DUSP22: variants seen among roughly 807,000 people sequenced by gnomAD.
DUSP22 encodes dual specificity protein phosphatase 22.
DUSP22 carries 24 observed loss-of-function variants against 24.5 expected under a neutral mutation model. That is an observed-to-expected ratio of 0.98 (90% CI 0.71 to 1.38). The LOEUF (loss-of-function observed/expected upper bound fraction) is 1.38. Ranked by LOEUF, DUSP22 falls within the 40% of genes most tolerant of loss-of-function variation. DUSP22 has a pLI of 0.00. For synonymous variants in DUSP22, 160 were observed against 106.4 expected, an observed-to-expected ratio of 1.50 and a Z score of -3.10; for missense variants, 330 against 269.2, an observed-to-expected ratio of 1.23 and a Z score of -1.58.
intron 1 of DUSP22, among the ~76,000 whole-genome samples, chr6:303,119 TC>T (rs1757660837): frequency 6.6e-6 from 1 of 152,296 alleles, no homozygotes; most frequent in Non-Finnish European, 1.5e-5. Flanking sequence ...TACTGCCACA[TC>T]CTAAAAAAGG....
At chr6:331,484 C>G (rs989503582) in intron 3 of DUSP22, among the ~76,000 whole-genome samples, 5 of 152,406 alleles carry the variant, frequency 3.3e-5, no homozygotes, top group Middle Eastern at 3.4e-3. Flanking sequence ...CTAAACTTAT[C>G]CTGTCCTTTA....
At chr6:309,622 T>G (rs1470488925) in intron 2 of DUSP22, among the ~76,000 whole-genome samples, 5 of 152,116 alleles carry the variant, frequency 3.3e-5, no homozygotes, top group Non-Finnish European at 5.9e-5. Flanking sequence ...GGGTAGATCT[T>G]TCTAACTAGC....
Position 350,455 on chromosome 6 carries a change from C to T in DUSP22, c.*1504C>T. On this transcript the variant is annotated 3_prime_UTR_variant, in exon 7 of 7. Transcript: ENST00000419235. ...GTTGCAACCCAGTTTCTCTGAATTC[C>T]ACCACAAAAAGAGACCCTGAATAAG... 4.4e-6 allele frequency: 5 copies of T among 1,137,700 alleles called. No individual in the cohort carries two copies. Among genetic ancestry groups the T allele is most frequent in the Non-Finnish European group, 5.4e-6 (5 of 923,860 alleles). 70.5% of individuals were successfully genotyped at this position (1,137,700 alleles called of 1,614,324 possible). A position where few individuals can be genotyped will look rare whatever the true frequency, so the allele number is the denominator to read the frequency against.
chr6:334,422 C>G, intron 3 of DUSP22, among the ~76,000 whole-genome samples: 1 of 152,208 alleles, frequency 6.6e-6, no homozygotes, highest in Non-Finnish European at 1.5e-5. Flanking sequence ...AAATAAATCT[C>G]ACATTTAGCA....
At chr6:340,726 T>G (rs1489050255) in intron 4 of DUSP22, among the ~76,000 whole-genome samples, 1 of 152,302 alleles carries the variant, frequency 6.6e-6, no homozygotes. Context: ...TCTGGTACCA[T>G]GGGCTTTTAG....
chr6:341,173 A>C (rs1288084213), intron 4 of DUSP22, among the ~76,000 whole-genome samples: 1 of 152,288 alleles, frequency 6.6e-6, no homozygotes, highest in African/African-American at 2.4e-5. Context: ...TGAGTTTCTA[A>C]CGCAAGCGTG....
At position 349,923 on chromosome 6, in the gene DUSP22, C is replaced by T. The variant is rs1760111407; in HGVS notation, c.*972C>T. ...CTTGCCAGCTTCATTCACTCCCAGC[C>T]TCTCGCTGTCCTCACTTTGCAGGGG... On this transcript the variant is annotated 3_prime_UTR_variant, in exon 7 of 7. Transcript: ENST00000419235. The T allele has an allele frequency of 1.0e-6, 1 of 985,980 alleles. No individual in the cohort carries two copies. The highest frequency in any genetic ancestry group is 1.1e-4 in the East Asian group (1 of 8,838). The allele number at this position is 985,980 out of a possible 1,614,324, so 61.1% of individuals were successfully genotyped here.
At chr6:332,457 C>G (rs918160447) in intron 3 of DUSP22, among the ~76,000 whole-genome samples, 1 of 152,308 alleles carries the variant, frequency 6.6e-6, no homozygotes, top group Admixed American at 6.5e-5. Flanking sequence ...GCCCACCTGA[C>G]AAGGTGCTCC....
At chr6:308,886 C>A (rs890586682) in intron 2 of DUSP22, among the ~76,000 whole-genome samples, 5 of 152,296 alleles carry the variant, frequency 3.3e-5, no homozygotes, top group Admixed American at 6.5e-5. Context: ...CTGGAGGAGC[C>A]AGGTGGGTGG....
At chr6:340,851 G>A (rs1759575047) in intron 4 of DUSP22, among the ~76,000 whole-genome samples, 1 of 152,312 alleles carries the variant, frequency 6.6e-6, no homozygotes, top group African/African-American at 2.4e-5. Flanking sequence ...GGGGATTGAG[G>A]CCTCCAAATC....
chr6:343,718 T>G (rs1473484572), intron 4 of DUSP22, among the ~76,000 whole-genome samples: 1 of 152,310 alleles, frequency 6.6e-6, no homozygotes, highest in Non-Finnish European at 1.5e-5. Flanking sequence ...TGCATGCACA[T>G]GGACAGTTGC....
At chr6:302,980 G>A (rs1396604276) in intron 1 of DUSP22, among the ~76,000 whole-genome samples, 5 of 152,300 alleles carry the variant, frequency 3.3e-5, no homozygotes, top group Admixed American at 6.5e-5. Flanking sequence ...GCTCGCACTG[G>A]ACTCGGTCGG....
In DUSP22 at chr6:350,887, A is replaced by C. The variant is rs750008241; in HGVS notation, c.*1936A>C. ...ACTGTAATGTACCTGAAGTTTCTGAAATATTGCAAACCCACAGAGTTTAGG... is the reference window on the plus strand; with the variant it reads ...ACTGTAATGTACCTGAAGTTTCTGACATATTGCAAACCCACAGAGTTTAGG... On this transcript the variant is annotated 3_prime_UTR_variant, in exon 7 of 7. Coordinates refer to ENST00000419235, the MANE Select transcript of DUSP22 (RefSeq NM_001286555.3). 12 of 1,614,022 alleles carry C rather than the reference A, an allele frequency of 7.4e-6. No individual in the cohort carries two copies. In the Admixed American group the frequency reaches 2.0e-4, roughly 27 times the overall value.
At chr6:347,299 G>A (rs1759930367) in intron 5 of DUSP22, among the ~76,000 whole-genome samples, 1 of 152,418 alleles carries the variant, frequency 6.6e-6, no homozygotes, top group Admixed American at 6.5e-5. Context: ...TTGAATATGT[G>A]TAGGCCTGAT....
chr6:324,484 C>T (rs1758758169), intron 3 of DUSP22, among the ~76,000 whole-genome samples: 1 of 152,310 alleles, frequency 6.6e-6, no homozygotes, highest in South Asian at 2.1e-4. Context: ...AGGGGTGTCC[C>T]TCCTGGTGTT....
chr6:345,907 G>C lies in DUSP22; in HGVS notation c.242G>C (p.Gly81Ala), dbSNP rs1293802551. ...IKFIHECRLR[G>A]ESCLVHCLAG... ...TTCATTCACGAGTGCCGGCTCCGCG[G>C]TGAGAGCTGCCTTGTACACTGGTAC... is the stretch of plus-strand genomic sequence containing the variant. The change falls in exon 5 of 7, where the codon GGT becomes GCT. Residue 81 changes from glycine to alanine, a missense_variant. Physicochemically the swap from Gly to Ala is moderately conservative, Grantham distance 60. Transcript: ENST00000419235. 6.2e-7 allele frequency: 1 copy of C among 1,614,280 alleles called. No individual in the cohort carries two copies. Among genetic ancestry groups the C allele is most frequent in the Non-Finnish European group, 8.5e-7 (1 of 1,180,032 alleles).
chr6:336,035 C>T (rs887594545), intron 4 of DUSP22, among the ~76,000 whole-genome samples: 7 of 152,310 alleles, frequency 4.6e-5, no homozygotes, highest in Non-Finnish European at 8.8e-5. Flanking sequence ...GCTCTGGGGA[C>T]CCGTGGCAGC....
At chr6:342,770 G>A (rs545700794) in intron 4 of DUSP22, among the ~76,000 whole-genome samples, 10 of 151,382 alleles carry the variant, frequency 6.6e-5, no homozygotes, top group African/African-American at 2.0e-4. Context: ...TCCTCTCTTC[G>A]GGAAGGGAAA....
At position 350,916 on chromosome 6, in the gene DUSP22, G is replaced by C; in HGVS notation, c.*1965G>C. On this transcript the variant is annotated 3_prime_UTR_variant, in exon 7 of 7. Transcript: ENST00000419235. ...TTGCAAACCCACAGAGTTTAGGCTG[G>C]TGCTGCCAAAAAGAAAAGCAACATA... The C allele has an allele frequency of 6.2e-7, 1 of 1,610,756 alleles. No homozygotes were observed. The highest frequency in any genetic ancestry group is 8.5e-7 in the Non-Finnish European group (1 of 1,177,872).
Sources: allele counts gnomAD v4.1 joint callset (sites outside exome capture counted in the v4.1 genomes callset), GRCh38; gene constraint gnomAD v4.1.1; transcripts MANE v1.5; gene names NCBI Gene and HGNC (gene_info 2026-07-23, HGNC 2026-07-21).